KIAA1217: variants seen among roughly 807,000 people sequenced by gnomAD.
The protein encoded by KIAA1217 is sickle tail protein homolog.
In KIAA1217, 88 loss-of-function variants were observed where a neutral mutation model predicts 163.9. The observed-to-expected ratio is 0.54, with a 90% CI of 0.45 to 0.64. KIAA1217 has a LOEUF of 0.64. Ranked by LOEUF, KIAA1217 falls within the 30% of genes least tolerant of loss-of-function variation. The pLI is 0.00. For synonymous variants in KIAA1217, 903 were observed against 923.1 expected, an observed-to-expected ratio of 0.98 and a Z score of 0.39; for missense variants, 2,372 against 2,475.0, an observed-to-expected ratio of 0.96 and a Z score of 0.88.
intron 2 of KIAA1217, among the ~76,000 whole-genome samples, chr10:24,360,040 C>CCTT (rs55881849): frequency 1.1e-5 from 1 of 94,282 alleles, no homozygotes; most frequent in Non-Finnish European, 1.9e-5. Context: ...GATATAATTA[C>CCTT]TTTTTTTTTT....
At chr10:23,861,745 G>C (rs1413282376) in intron 1 of KIAA1217, among the ~76,000 whole-genome samples, 1 of 152,086 alleles carries the variant, frequency 6.6e-6, no homozygotes, top group East Asian at 1.9e-4. Flanking sequence ...CAAGGAATTT[G>C]GACCTCAGTC....
rs1564534945 is a variant in KIAA1217 at position 23,921,849 on chromosome 10, G to T, written c.-320-85376G>T. On this transcript the variant is annotated intron_variant, in intron 1 of 18. Transcript: ENST00000376462. ...GCTGTGTGGACTTGTAACATAATAA[G>T]AAATATATATTTGGTCTTCATCTCT... Among the ~76,000 whole-genome samples, 3 of 152,248 alleles carry T rather than the reference G, an allele frequency of 2.0e-5. No individual in the cohort carries two copies. In the South Asian group the frequency reaches 6.2e-4, roughly 32 times the overall value.
chr10:24,229,430 C>T (rs1406709332), intron 2 of KIAA1217, among the ~76,000 whole-genome samples: 1 of 152,142 alleles, frequency 6.6e-6, no homozygotes, highest in African/African-American at 2.4e-5. Context: ...GGAGAATAGC[C>T]ACATGTAGTA....
intron 5 of KIAA1217, among the ~76,000 whole-genome samples, 189 bp from the exon 6 acceptor site, chr10:24,473,039 T>C (rs552279559): frequency 3.9e-5 from 6 of 152,252 alleles, no homozygotes; most frequent in South Asian, 2.1e-4. Context: ...AGGATAAAGA[T>C]CTCCCATCTC....
At chr10:23,866,678 A>T (rs188922531) in intron 1 of KIAA1217, among the ~76,000 whole-genome samples, 1 of 151,750 alleles carries the variant, frequency 6.6e-6, no homozygotes, top group East Asian at 2.0e-4. Flanking sequence ...CCTCTTGCCC[A>T]TTTGTTCACC....
At chr10:24,004,168 G>A (rs1322763253) in intron 1 of KIAA1217, among the ~76,000 whole-genome samples, 2 of 151,886 alleles carry the variant, frequency 1.3e-5, no homozygotes, top group Admixed American at 6.6e-5. Flanking sequence ...TAGTAGAGAC[G>A]GGGTTTCACT....
chr10:24,509,776 C>T (rs941871725), intron 9 of KIAA1217, among the ~76,000 whole-genome samples: 5 of 151,798 alleles, frequency 3.3e-5, no homozygotes, highest in Non-Finnish European at 7.4e-5. Context: ...TTTTCACATG[C>T]CTGCTGTGTC....
chr10:23,931,776 G>A (rs1417543802), intron 1 of KIAA1217, among the ~76,000 whole-genome samples: 1 of 152,128 alleles, frequency 6.6e-6, no homozygotes, highest in Non-Finnish European at 1.5e-5. Context: ...AAACTTTTGT[G>A]TATCAGTAAG....
intron 2 of KIAA1217, among the ~76,000 whole-genome samples, chr10:24,317,639 TA>T (rs2043568293): frequency 6.6e-6 from 1 of 152,176 alleles, no homozygotes; most frequent in Admixed American, 6.6e-5. Context: ...TATACATGTA[TA>T]TTGGCATGTA....
chr10:24,441,341 A>G (rs971753296), intron 5 of KIAA1217, among the ~76,000 whole-genome samples: 1 of 152,180 alleles, frequency 6.6e-6, no homozygotes, highest in Non-Finnish European at 1.5e-5. Flanking sequence ...TGGAATAAGC[A>G]GAGGGGCAAC....
At chr10:24,105,473 C>T (rs572561285) in intron 2 of KIAA1217, among the ~76,000 whole-genome samples, 1 of 152,246 alleles carries the variant, frequency 6.6e-6, no homozygotes, top group East Asian at 1.9e-4. Flanking sequence ...GATGAAATGT[C>T]CCTAACAGCA....
intron 2 of KIAA1217, among the ~76,000 whole-genome samples, chr10:24,172,886 G>A (rs922548453): frequency 5.3e-5 from 8 of 152,334 alleles, no homozygotes; most frequent in African/African-American, 1.9e-4. Flanking sequence ...TAAGTGAACT[G>A]TGGACTGTTC....
intron 2 of KIAA1217, among the ~76,000 whole-genome samples, chr10:24,112,767 T>C (rs543510540): frequency 1.3e-5 from 2 of 151,914 alleles, no homozygotes; most frequent in African/African-American, 4.8e-5. Flanking sequence ...TTTGTTTTTT[T>C]AGTAGAGACG....
chr10:23,803,660 A>G (rs1379193481), intron 1 of KIAA1217, among the ~76,000 whole-genome samples: 1 of 152,174 alleles, frequency 6.6e-6, no homozygotes, highest in African/African-American at 2.4e-5. Flanking sequence ...CTGAACTATG[A>G]CATCTGTCTT....
intron 4 of KIAA1217, 78 bp downstream of exon 4, chr10:24,433,271 GTT>G: frequency 9.8e-7 from 1 of 1,022,490 alleles, no homozygotes; most frequent in Non-Finnish European, 1.4e-6. Context: ...TTTTTGAGGG[GTT>G]TTTTTTTACC....
chr10:24,453,401 C>T (rs1469126175), intron 5 of KIAA1217, among the ~76,000 whole-genome samples: 1 of 152,110 alleles, frequency 6.6e-6, no homozygotes, highest in African/African-American at 2.4e-5. Flanking sequence ...TGTAGTTAGG[C>T]CAGAGCTGAT....
intron 1 of KIAA1217, among the ~76,000 whole-genome samples, chr10:23,906,911 T>G (rs1367290265): frequency 6.6e-6 from 1 of 152,088 alleles, no homozygotes; most frequent in African/African-American, 2.4e-5. Context: ...TGAGAATGCT[T>G]GGAATTCAAT....
At chr10:24,025,473 A>G (rs1376624332) in intron 2 of KIAA1217, among the ~76,000 whole-genome samples, 1 of 151,722 alleles carries the variant, frequency 6.6e-6, no homozygotes, top group Non-Finnish European at 1.5e-5. Context: ...CTTTCTTTTC[A>G]AAATTCTTTT....
intron 3 of KIAA1217, among the ~76,000 whole-genome samples, chr10:24,431,961 C>G (rs187622805): frequency 1.1e-3 from 173 of 152,164 alleles, no homozygotes; most frequent in Middle Eastern, 6.8e-3. Context: ...TGTTGCATTT[C>G]CACTGAAAAT....
Sources: allele counts gnomAD v4.1 joint callset (sites outside exome capture counted in the v4.1 genomes callset), GRCh38; gene constraint gnomAD v4.1.1; transcripts MANE v1.5; gene names NCBI Gene and HGNC (gene_info 2026-07-23, HGNC 2026-07-21).